Variants in AUTS2 observed in about 807,000 individuals in gnomAD.
AUTS2 encodes autism susceptibility gene 2 protein.
AUTS2 carries 17 observed loss-of-function variants against 112.4 expected under a neutral mutation model. That is an observed-to-expected ratio of 0.15 (90% CI 0.10 to 0.23). AUTS2 has a LOEUF of 0.23. Ranked by LOEUF, AUTS2 falls within the 10% of genes least tolerant of loss-of-function variation. AUTS2 has a pLI of 1.00. For synonymous variants in AUTS2, 751 were observed against 702.7 expected, an observed-to-expected ratio of 1.07 and a Z score of -1.09; for missense variants, 1,510 against 1,701.6, an observed-to-expected ratio of 0.89 and a Z score of 1.98.
intron 2 of AUTS2, among the ~76,000 whole-genome samples, chr7:69,926,176 T>A (rs893864379): frequency 6.6e-6 from 1 of 152,194 alleles, no homozygotes; most frequent in African/African-American, 2.4e-5. Flanking sequence ...TCAGCCCAAG[T>A]TGGTTTATAG....
rs377434727 is a variant in AUTS2, at chr7:70,731,523, G to A, written c.743-31347G>A. ...CGGCTCACTGCAAGCTCTGCCTCCC[G>A]GGTTCATGCCATTCTCCTGCCTCAG... On this transcript the variant is annotated intron_variant, in intron 6 of 18. Coordinates refer to ENST00000342771, the MANE Select transcript of AUTS2 (RefSeq NM_015570.4). Among the ~76,000 whole-genome samples, 88 of 141,378 alleles carry A rather than the reference G, an allele frequency of 6.2e-4. 2 individuals carry two copies. The East Asian group carries it at 0.017, about 27-fold the overall frequency. The allele number at this position is 141,378 out of a possible 152,430, so 92.7% of individuals were successfully genotyped here.
chr7:69,630,526 C>T (rs1794181226), intron 1 of AUTS2, among the ~76,000 whole-genome samples: 1 of 152,126 alleles, frequency 6.6e-6, no homozygotes, highest in Non-Finnish European at 1.5e-5. Flanking sequence ...AACAAGCAAA[C>T]CACCAAACAC....
At chr7:70,539,599 C>T (rs1800461439) in intron 5 of AUTS2, among the ~76,000 whole-genome samples, 1 of 152,114 alleles carries the variant, frequency 6.6e-6, no homozygotes, top group Admixed American at 6.6e-5. Flanking sequence ...CCATTTCAAG[C>T]AAATTTTGGT....
rs1191802147 is a variant in AUTS2, at chr7:70,766,855, G to T, written c.1689+521G>T. On this transcript the variant is annotated intron_variant, in intron 9 of 18. Coordinates refer to ENST00000342771, the MANE Select transcript of AUTS2 (RefSeq NM_015570.4). This position sits in a 1 kb window ranked among gnomAD's most constrained non-coding sequence, Gnocchi z 4.8. Reference sequence around the variant, plus strand: ...TTGTTGGAGGTGTTATATTTCTTGTGTTTCATAAGACAGTCCCTAATCTGG... The same window carrying T: ...TTGTTGGAGGTGTTATATTTCTTGTTTTTCATAAGACAGTCCCTAATCTGG... Among the ~76,000 whole-genome samples the T allele has an allele frequency of 2.0e-5, 3 of 152,186 alleles. No homozygotes were observed. In the East Asian group the frequency reaches 5.8e-4, roughly 29 times the overall value.
intron 4 of AUTS2, among the ~76,000 whole-genome samples, chr7:70,215,521 C>G (rs562072421): frequency 6.6e-6 from 1 of 152,114 alleles, no homozygotes; most frequent in Non-Finnish European, 1.5e-5. Flanking sequence ...AAAAATATTA[C>G]TCTCCGGAGA....
At chr7:69,812,886 C>T (rs191458424) in intron 1 of AUTS2, among the ~76,000 whole-genome samples, 55 of 152,256 alleles carry the variant, frequency 3.6e-4, no homozygotes, top group South Asian at 1.0e-3. Context: ...CCTCAGTAGC[C>T]TCCCACCTGA....
At chr7:70,229,352 C>A (rs1311436188) in intron 4 of AUTS2, among the ~76,000 whole-genome samples, 1 of 152,040 alleles carries the variant, frequency 6.6e-6, no homozygotes, top group Admixed American at 6.6e-5. Context: ...TTTTGGTTGA[C>A]ATCTATTTGT....
intron 5 of AUTS2, among the ~76,000 whole-genome samples, chr7:70,675,817 A>G (rs554612251): frequency 6.6e-6 from 1 of 152,290 alleles, no homozygotes; most frequent in South Asian, 2.1e-4. Flanking sequence ...TTGCTACCAG[A>G]AAGCAAGTAT....
intron 1 of AUTS2, among the ~76,000 whole-genome samples, chr7:69,801,988 G>C (rs1023861352): frequency 6.6e-6 from 1 of 152,150 alleles, no homozygotes; most frequent in African/African-American, 2.4e-5. Context: ...TACCTAAAAG[G>C]GGGTGAGGAA....
intron 1 of AUTS2, among the ~76,000 whole-genome samples, chr7:69,859,257 G>A (rs892564827): frequency 6.6e-6 from 1 of 152,154 alleles, no homozygotes; most frequent in Non-Finnish European, 1.5e-5. Flanking sequence ...AATAAAGATT[G>A]TTTCAAAAGA....
chr7:69,930,253 G>A (rs902959386), intron 2 of AUTS2, among the ~76,000 whole-genome samples: 3 of 152,074 alleles, frequency 2.0e-5, no homozygotes, highest in Non-Finnish European at 2.9e-5. Context: ...CCCTGCTTTC[G>A]AGCCAGTCTG....
chr7:70,093,288 C>T (rs1439276131), intron 2 of AUTS2, among the ~76,000 whole-genome samples: 2 of 152,192 alleles, frequency 1.3e-5, no homozygotes, highest in Non-Finnish European at 2.9e-5. Flanking sequence ...AGGACTTCAG[C>T]TGCAAATCTC....
At chr7:70,759,565 G>A (rs1286415440) in intron 6 of AUTS2, among the ~76,000 whole-genome samples, 1 of 152,294 alleles carries the variant, frequency 6.6e-6, no homozygotes, top group East Asian at 1.9e-4. Flanking sequence ...CTTCATCTCT[G>A]GTAGCTTGTT....
intron 4 of AUTS2, among the ~76,000 whole-genome samples, chr7:70,317,620 C>A (rs1790056454): frequency 6.6e-6 from 1 of 152,170 alleles, no homozygotes; most frequent in Non-Finnish European, 1.5e-5. Context: ...CTAGTACCAG[C>A]AGTGTTTATC....
At chr7:70,128,327 T>A (rs1806086815) in intron 3 of AUTS2, among the ~76,000 whole-genome samples, 1 of 152,220 alleles carries the variant, frequency 6.6e-6, no homozygotes, top group Admixed American at 6.5e-5. Context: ...TCTGCCCTCA[T>A]GAAGTTTCCA....
intron 5 of AUTS2, among the ~76,000 whole-genome samples, chr7:70,638,792 T>C (rs1805656499): frequency 6.6e-6 from 1 of 152,240 alleles, no homozygotes; most frequent in African/African-American, 2.4e-5. Flanking sequence ...TGCTGTACTT[T>C]AGCACCCTGG....
chr7:70,420,758 A>G (rs553804738), intron 4 of AUTS2, among the ~76,000 whole-genome samples: 1 of 152,352 alleles, frequency 6.6e-6, no homozygotes, highest in African/African-American at 2.4e-5. Flanking sequence ...TAGTGACAGA[A>G]GGCACATCAG....
At chr7:69,648,302 T>A (rs887047226) in intron 1 of AUTS2, among the ~76,000 whole-genome samples, 1 of 152,136 alleles carries the variant, frequency 6.6e-6, no homozygotes, top group African/African-American at 2.4e-5. Flanking sequence ...CCAAAACTCA[T>A]GTACTCATCA....
At chr7:69,926,964 T>TC (rs1796041773) in intron 2 of AUTS2, among the ~76,000 whole-genome samples, 1 of 146,694 alleles carries the variant, frequency 6.8e-6, no homozygotes. Context: ...ATAACATATA[T>TC]ATTATATATA....
Sources: allele counts gnomAD v4.1 joint callset (sites outside exome capture counted in the v4.1 genomes callset), GRCh38; gene constraint gnomAD v4.1.1; non-coding constraint Gnocchi (gnomAD v3.1); transcripts MANE v1.5; gene names NCBI Gene and HGNC (gene_info 2026-07-23, HGNC 2026-07-21).